The following RAVER2 variants were observed in gnomAD, a reference collection of about 807,000 sequenced individuals.
The protein encoded by RAVER2 is ribonucleoprotein PTB-binding 2.
RAVER2 carries 46 observed loss-of-function variants against 78.1 expected under a neutral mutation model. The observed-to-expected ratio is 0.59, with a 90% CI of 0.46 to 0.75. The LOEUF (loss-of-function observed/expected upper bound fraction) is 0.75, where lower values mean the gene tolerates loss of function less well. Among genes scored for constraint, RAVER2 ranks in the 30% least tolerant of loss-of-function variants. RAVER2 has a pLI of 0.00. For missense variants in RAVER2, 793 were observed against 837.5 expected, an observed-to-expected ratio of 0.95 and a Z score of 0.66; for synonymous variants, 311 against 313.3, an observed-to-expected ratio of 0.99 and a Z score of 0.08.
intron 1 of RAVER2, among the ~76,000 whole-genome samples, chr1:64,753,027 C>G (rs1434062464): frequency 6.6e-6 from 1 of 152,162 alleles, no homozygotes; most frequent in African/African-American, 2.4e-5. Context: ...GCCACTAAAT[C>G]CCTTTTATTG....
At chr1:64,779,607 G>A (rs1262607714) in intron 3 of RAVER2, among the ~76,000 whole-genome samples, 1 of 151,506 alleles carries the variant, frequency 6.6e-6, no homozygotes, top group African/African-American at 2.4e-5. Flanking sequence ...AAACACCTGG[G>A]CTCAAGTGAT....
chr1:64,796,765 C>T (rs776471061), intron 5 of RAVER2, among the ~76,000 whole-genome samples: 5 of 151,962 alleles, frequency 3.3e-5, no homozygotes, highest in Admixed American at 2.6e-4. Flanking sequence ...CATTGATTTC[C>T]GCTTTAATTA....
At chr1:64,782,542 G>A (rs1182609198) in intron 4 of RAVER2, among the ~76,000 whole-genome samples, 1 of 152,168 alleles carries the variant, frequency 6.6e-6, no homozygotes, top group East Asian at 1.9e-4. Context: ...ACAGATTTTT[G>A]CATGAGATAC....
intron 5 of RAVER2, among the ~76,000 whole-genome samples, chr1:64,802,365 AC>A (rs1653291073): frequency 6.6e-6 from 1 of 151,810 alleles, no homozygotes. Context: ...CATCTCTGAC[AC>A]CCCCCACCTG....
intron 5 of RAVER2, among the ~76,000 whole-genome samples, chr1:64,793,135 G>A (rs111903956): frequency 0.022 from 3,339 of 152,186 alleles, 149 homozygotes; most frequent in African/African-American, 0.077. Context: ...CCCTGGAGGC[G>A]GAGGTTGCAG....
chr1:64,768,774 G>T (rs371771130), intron 2 of RAVER2, 52 bp downstream of exon 2: 1 of 1,152,890 alleles, frequency 8.7e-7, no homozygotes, highest in South Asian at 1.4e-5. Flanking sequence ...CCCTGTACTC[G>T]TTATAGAACA....
chr1:64,807,106 G>C, intron 8 of RAVER2, 100 bp from the exon 9 acceptor site: 3 of 1,341,138 alleles, frequency 2.2e-6, no homozygotes, highest in Non-Finnish European at 3.0e-6. Context: ...GTACAAAATT[G>C]GTTTCTCTGC....
chr1:64,820,424 T>A (rs1344973298), intron 11 of RAVER2, among the ~76,000 whole-genome samples: 1 of 152,176 alleles, frequency 6.6e-6, no homozygotes, highest in Non-Finnish European at 1.5e-5. Context: ...AAATTTTTAA[T>A]TTTAGGTTTG....
At chr1:64,787,144 A>G (rs1324700399) in intron 4 of RAVER2, among the ~76,000 whole-genome samples, 1 of 152,036 alleles carries the variant, frequency 6.6e-6, no homozygotes, top group Non-Finnish European at 1.5e-5. Flanking sequence ...TGTAATGTCT[A>G]TTACATTTAT....
At chr1:64,805,620 C>G (rs908779166) in intron 8 of RAVER2, among the ~76,000 whole-genome samples, 4 of 152,076 alleles carry the variant, frequency 2.6e-5, no homozygotes, top group Non-Finnish European at 5.9e-5. Flanking sequence ...AAAACAGAAG[C>G]ATGGTGTTAT....
chr1:64,761,955 A>C (rs1033111760), intron 1 of RAVER2, among the ~76,000 whole-genome samples: 1 of 152,078 alleles, frequency 6.6e-6, no homozygotes, highest in Non-Finnish European at 1.5e-5. Flanking sequence ...TACCAAAAAA[A>C]AAAAAAATTA....
chr1:64,768,937 T>C (rs139103885), intron 2 of RAVER2, among the ~76,000 whole-genome samples: 84 of 152,178 alleles, frequency 5.5e-4, no homozygotes, highest in Non-Finnish European at 1.0e-3. Flanking sequence ...TAGAGACTTA[T>C]GAATTTTTAT....
intron 5 of RAVER2, among the ~76,000 whole-genome samples, chr1:64,794,774 TA>T (rs1185252681): frequency 1.3e-5 from 2 of 152,138 alleles, no homozygotes; most frequent in Non-Finnish European, 2.9e-5. Context: ...GGTTTGCAAA[TA>T]TTTTTTTAAC....
At chr1:64,756,772 A>G (rs1206790472) in intron 1 of RAVER2, among the ~76,000 whole-genome samples, 1 of 152,160 alleles carries the variant, frequency 6.6e-6, no homozygotes, top group Non-Finnish European at 1.5e-5. Context: ...TAGTTATCCT[A>G]TCTCCTTAGT....
chr1:64,800,172 A>G (rs1653220874), intron 5 of RAVER2, among the ~76,000 whole-genome samples: 1 of 149,170 alleles, frequency 6.7e-6, no homozygotes, highest in South Asian at 2.1e-4. Flanking sequence ...TTCTGTGTAT[A>G]TTCTGGATAT....
chr1:64,757,955 G>A (rs1651898633), intron 1 of RAVER2, among the ~76,000 whole-genome samples: 1 of 151,890 alleles, frequency 6.6e-6, no homozygotes, highest in Non-Finnish European at 1.5e-5. Context: ...CATTTACATA[G>A]GCATCTCCCA....
chr1:64,761,347 T>A (rs1455708388), intron 1 of RAVER2, among the ~76,000 whole-genome samples: 1 of 152,208 alleles, frequency 6.6e-6, no homozygotes, highest in Non-Finnish European at 1.5e-5. Flanking sequence ...AAATTCATTG[T>A]CTGGTGTGGG....
chr1:64,813,853 A>G (rs2100888306), intron 10 of RAVER2, among the ~76,000 whole-genome samples: 1 of 151,382 alleles, frequency 6.6e-6, no homozygotes, highest in East Asian at 1.9e-4. Context: ...ACACACACAC[A>G]CACACACACA....
At chr1:64,833,180 T>C (rs1185347013) in exon 12 of RAVER2, 2 of 199,484 alleles carry the variant, frequency 1.0e-5, no homozygotes, top group Non-Finnish European at 2.1e-5. Context: ...AAGCAAATTG[T>C]TTGAAATGCT....
Sources: allele counts gnomAD v4.1 joint callset (sites outside exome capture counted in the v4.1 genomes callset), GRCh38; gene constraint gnomAD v4.1.1; transcripts MANE v1.5; gene names NCBI Gene and HGNC (gene_info 2026-07-23, HGNC 2026-07-21).